The following CDK14 variants were observed in gnomAD, a reference collection of about 807,000 sequenced individuals.
The protein encoded by CDK14 is cyclin dependent kinase 14.
Under a neutral mutation model 60.7 loss-of-function variants are expected in CDK14, and 34 were observed. The observed-to-expected ratio is 0.56, with a 90% CI of 0.43 to 0.75. The LOEUF is 0.75. Among genes scored for constraint, CDK14 ranks in the 30% least tolerant of loss-of-function variants. The pLI is 0.00. For missense variants in CDK14, 482 were observed against 564.1 expected (o/e 0.85, Z 1.47); for synonymous variants, 197 against 203.7 (o/e 0.97, Z 0.28).
intron 11 of CDK14, among the ~76,000 whole-genome samples, chr7:91,054,678 T>C (rs543376046): frequency 2.0e-5 from 3 of 152,294 alleles, no homozygotes; most frequent in Admixed American, 2.0e-4. Context: ...TGGATTCCTG[T>C]TGAGTGCTTA....
intron 14 of CDK14, among the ~76,000 whole-genome samples, chr7:91,184,381 A>T (rs974302942): frequency 6.6e-6 from 1 of 152,030 alleles, no homozygotes; most frequent in African/African-American, 2.4e-5. Flanking sequence ...TTATTTATAA[A>T]GGTTTTACAA....
chr7:90,908,452 T>C (rs965567644), intron 7 of CDK14, among the ~76,000 whole-genome samples: 8 of 152,162 alleles, frequency 5.3e-5, no homozygotes, highest in Non-Finnish European at 1.5e-5. Context: ...AATGATGAAA[T>C]GCAGACAATG....
chr7:90,862,014 G>C (rs1791025563), intron 5 of CDK14, among the ~76,000 whole-genome samples: 1 of 152,042 alleles, frequency 6.6e-6, no homozygotes, highest in Non-Finnish European at 1.5e-5. Context: ...CCTACCTTTA[G>C]TTAGAAGTAC....
At chr7:90,841,213 A>G (rs1012255219) in intron 5 of CDK14, among the ~76,000 whole-genome samples, 7 of 152,194 alleles carry the variant, frequency 4.6e-5, no homozygotes, top group Non-Finnish European at 7.4e-5. Flanking sequence ...CAACTATTCT[A>G]TGTCTTATTG....
At chr7:90,805,392 G>A (rs904939136) in intron 5 of CDK14, among the ~76,000 whole-genome samples, 11 of 151,592 alleles carry the variant, frequency 7.3e-5, no homozygotes, top group East Asian at 3.9e-4. Flanking sequence ...ACACCTATTC[G>A]TGTTAAAGGC....
intron 8 of CDK14, among the ~76,000 whole-genome samples, chr7:90,951,819 T>A (rs1022674258): frequency 6.6e-6 from 1 of 152,148 alleles, no homozygotes; most frequent in Non-Finnish European, 1.5e-5. Flanking sequence ...TGGAGTTATA[T>A]TGAGTGCCTG....
At chr7:90,828,876 C>T (rs547756240) in intron 5 of CDK14, among the ~76,000 whole-genome samples, 1 of 152,188 alleles carries the variant, frequency 6.6e-6, no homozygotes, top group South Asian at 2.1e-4. Context: ...TTATGAAGTA[C>T]TATATTAGTC....
Position 90,908,553 on chromosome 7 carries a change from CT to C in CDK14, c.703-9047del, listed in dbSNP as rs1460303763. On this transcript the variant is annotated intron_variant, in intron 7 of 14. Coordinates refer to ENST00000380050, the MANE Select transcript of CDK14 (RefSeq NM_001287135.2). ...GGGAAACACCCTCCTGGGCTTTACA[CT>C]CGTCACCTTGCCTCTCTCCAGTTTA... Among the ~76,000 whole-genome samples, 1,166 of 152,298 alleles carry C rather than the reference CT, an allele frequency of 7.7e-3. 16 individuals are homozygous for C. Among genetic ancestry groups the C allele is most frequent in the African/African-American group, 0.027 (1,125 of 41,568 alleles).
chr7:90,976,726 A>C (rs1219950331), intron 9 of CDK14, among the ~76,000 whole-genome samples: 1 of 152,030 alleles, frequency 6.6e-6, no homozygotes, highest in Non-Finnish European at 1.5e-5. Flanking sequence ...TGAGTTCCTT[A>C]TATATCCTAG....
chr7:90,692,996 TG>T lies in CDK14; in HGVS notation c.124-33568del, dbSNP rs1584797107. ...TTTGCCAGTAGGGTTCTGTAGCTTG[TG>T]GGATGTACTAGGAAAAGGTGCACAA... On this transcript the variant is annotated intron_variant, in intron 2 of 14. Transcript: ENST00000380050. Among the ~76,000 whole-genome samples, 3 of 151,906 alleles carry T rather than the reference TG, an allele frequency of 2.0e-5. No individual in the cohort carries two copies. In the East Asian group the frequency reaches 5.8e-4, roughly 29 times the overall value.
At chr7:91,018,353 G>A (rs1201511628) in intron 10 of CDK14, among the ~76,000 whole-genome samples, 2 of 152,088 alleles carry the variant, frequency 1.3e-5, no homozygotes, top group Non-Finnish European at 2.9e-5. Flanking sequence ...CCATAAGCTG[G>A]GTAAATTATA....
At chr7:90,789,207 G>A (rs1306108318) in intron 4 of CDK14, among the ~76,000 whole-genome samples, 1 of 152,142 alleles carries the variant, frequency 6.6e-6, no homozygotes, top group Non-Finnish European at 1.5e-5. Context: ...AACTTAGTAT[G>A]CTATACTCAT....
At chr7:90,798,276 T>C (rs1788513783) in intron 5 of CDK14, among the ~76,000 whole-genome samples, 1 of 150,462 alleles carries the variant, frequency 6.6e-6, no homozygotes, top group Non-Finnish European at 1.5e-5. Context: ...TTTCTTGCCT[T>C]CTCATTCTGC....
chr7:90,696,023 A>G (rs1286153181), intron 2 of CDK14, among the ~76,000 whole-genome samples: 1 of 152,222 alleles, frequency 6.6e-6, no homozygotes, highest in East Asian at 1.9e-4. Flanking sequence ...GAATAGCTGC[A>G]GAAAGACCAG....
intron 5 of CDK14, among the ~76,000 whole-genome samples, chr7:90,827,875 A>G (rs1320239649): frequency 6.6e-6 from 1 of 152,184 alleles, no homozygotes; most frequent in African/African-American, 2.4e-5. Context: ...TTTCTTGTAA[A>G]CCCAATAAAA....
intron 8 of CDK14, among the ~76,000 whole-genome samples, chr7:90,918,956 T>C (rs1793164088): frequency 6.6e-6 from 1 of 152,196 alleles, no homozygotes; most frequent in African/African-American, 2.4e-5. Context: ...AATGATGAAA[T>C]TCTGTGCACA....
chr7:90,896,890 CTT>C (rs762300778), intron 6 of CDK14, among the ~76,000 whole-genome samples: 57 of 152,174 alleles, frequency 3.7e-4, no homozygotes, highest in Non-Finnish European at 6.3e-4. Context: ...GAGATTTTCT[CTT>C]TGTCTCATAC....
intron 2 of CDK14, among the ~76,000 whole-genome samples, chr7:90,638,692 G>C (rs915882503): frequency 3.3e-5 from 5 of 152,116 alleles, no homozygotes; most frequent in Admixed American, 6.6e-5. Flanking sequence ...TGCTAGATTG[G>C]GGAAGTTCTC....
In CDK14 at chr7:90,872,182, C is replaced by G. The variant is rs535653676; in HGVS notation, c.639+8913C>G. On this transcript the variant is annotated intron_variant, in intron 6 of 14. Transcript: ENST00000380050. ...AGCCATTTGAGTTATAAATTGCTGT[C>G]ACACATCTATAGGTGTCATGGTACT... 1.0e-3 allele frequency among the ~76,000 whole-genome samples: 155 copies of G among 152,248 alleles called. 1 individual carries two copies. Among genetic ancestry groups the G allele is most frequent in the African/African-American group, 3.6e-3 (149 of 41,550 alleles).
Sources: allele counts gnomAD v4.1 joint callset (sites outside exome capture counted in the v4.1 genomes callset), GRCh38; gene constraint gnomAD v4.1.1; transcripts MANE v1.5; gene names NCBI Gene and HGNC (gene_info 2026-07-23, HGNC 2026-07-21).